COQ8A: variants seen among roughly 807,000 people sequenced by gnomAD.
COQ8A encodes the protein coenzyme Q8A.
COQ8A carries 51 observed loss-of-function variants against 65.0 expected under a neutral mutation model. That is an observed-to-expected ratio of 0.78 (90% CI 0.63 to 0.99). The LOEUF (loss-of-function observed/expected upper bound fraction) is 0.99. Among genes scored for constraint, COQ8A ranks in the 50% least tolerant of loss-of-function variants. The probability of loss-of-function intolerance (pLI) is 0.00; values close to 1 mark genes in which losing one functional copy is unlikely to be tolerated. For synonymous variants in COQ8A, 371 were observed against 353.2 expected, an observed-to-expected ratio of 1.05 and a Z score of -0.57; for missense variants, 940 against 875.0, an observed-to-expected ratio of 1.07 and a Z score of -0.94.
At chr1:226,986,056 T>C (rs887506156) in intron 14 of COQ8A, among the ~76,000 whole-genome samples, 21 of 152,262 alleles carry the variant, frequency 1.4e-4, no homozygotes, top group African/African-American at 5.1e-4. Flanking sequence ...CTAGTTCCCG[T>C]GGGCAGACAC....
chr1:226,962,492 G>A (rs1658308954), intron 2 of COQ8A, among the ~76,000 whole-genome samples: 1 of 152,220 alleles, frequency 6.6e-6, no homozygotes, highest in Non-Finnish European at 1.5e-5. Flanking sequence ...AGACAGGGTG[G>A]GGGGTGTTTG....
intron 1 of COQ8A, among the ~76,000 whole-genome samples, chr1:226,953,613 C>T (rs149542631): frequency 6.6e-6 from 1 of 152,310 alleles, no homozygotes; most frequent in Non-Finnish European, 1.5e-5. Context: ...TCTCACTCAG[C>T]AGGCCTGTGC....
At chr1:226,973,032 G>A (rs781002454) in intron 4 of COQ8A, among the ~76,000 whole-genome samples, 2 of 152,214 alleles carry the variant, frequency 1.3e-5, no homozygotes, top group Non-Finnish European at 2.9e-5. Flanking sequence ...CTTTGGCTGG[G>A]ACCTTCAGGA....
chr1:226,945,799 C>G (rs945436781), intron 1 of COQ8A, among the ~76,000 whole-genome samples: 1 of 152,196 alleles, frequency 6.6e-6, no homozygotes, highest in African/African-American at 2.4e-5. Context: ...ACGGGGGTGA[C>G]GCAGAGGAAG....
In COQ8A at chr1:226,949,230, A is replaced by C. The variant is rs1367758070; in HGVS notation, c.-10+8831A>C. ...AAAGGAGGCCGGGGGCCTGATTTCG[A>C]TGCCTGGGACTTCAGGCGCAGGAGT... On this transcript the variant is annotated intron_variant, in intron 1 of 14. Transcript: ENST00000366777. The surrounding 1 kb of genome is among the most constrained non-coding windows in gnomAD (Gnocchi z 4.0). Among the ~76,000 whole-genome samples, 1 of 152,022 alleles carries C rather than the reference A, an allele frequency of 6.6e-6. No homozygotes were observed. Among genetic ancestry groups the C allele is most frequent in the East Asian group, 1.9e-4 (1 of 5,162 alleles).
At position 226,986,766 on chromosome 1, in the gene COQ8A, G is replaced by A. The variant is rs372895507; in HGVS notation, c.*29G>A. 116 of 1,604,690 alleles carry A rather than the reference G, an allele frequency of 7.2e-5. No homozygotes were observed. In the Admixed American group the frequency reaches 7.6e-4, roughly 10 times the overall value. On this transcript the variant is annotated 3_prime_UTR_variant, in exon 15 of 15. Transcript: ENST00000366777. ...TGCGGGCCACGCCCAGGCCGGCTCCGCGGGAACTCTCTCCCTCAGACAGGC... is the reference window on the plus strand; with the variant it reads ...TGCGGGCCACGCCCAGGCCGGCTCCACGGGAACTCTCTCCCTCAGACAGGC...
At chr1:226,978,170 T>TCCTTGTAAACCCACC (rs1659378557) in intron 5 of COQ8A, among the ~76,000 whole-genome samples, 1 of 138,442 alleles carries the variant, frequency 7.2e-6, no homozygotes, top group East Asian at 2.3e-4. Flanking sequence ...CCCACGCACC[T>TCCTTGTAAACCCACC]TTTTACATCC....
At chr1:226,978,791 TCACCCGCACAGC>T (rs1659493390) in intron 5 of COQ8A, among the ~76,000 whole-genome samples, 1 of 86,578 alleles carries the variant, frequency 1.2e-5, no homozygotes, top group African/African-American at 3.9e-5. Flanking sequence ...CACCCACCTC[TCACCCGCACAGC>T]TCCTTACACA....
In COQ8A at chr1:226,986,606, GA is replaced by G. The variant is rs776108575; in HGVS notation, c.1816del (p.Thr606ProfsTer18). On this transcript the variant is annotated frameshift_variant, in exon 15 of 15. Coordinates refer to ENST00000366777, the MANE Select transcript of COQ8A (RefSeq NM_020247.5). LOFTEE classifies it high-confidence loss of function. ...LRHRLVPPPEETYSLHRKMGG... is the reference protein window; with the variant it reads ...LRHRLVPPPEXTYSLHRKMGG... ...GCACCGTCTCGTCCCCCCACCCGAG[GA>G]AACCTACTCCCTGCACAGGAAGATG... The G allele has an allele frequency of 2.9e-5, 46 of 1,613,752 alleles. No homozygotes were observed. Among genetic ancestry groups the G allele is most frequent in the Non-Finnish European group, 3.8e-5 (45 of 1,179,978 alleles).
At chr1:226,975,943 G>C (rs1480597875) in intron 4 of COQ8A, among the ~76,000 whole-genome samples, 1 of 152,198 alleles carries the variant, frequency 6.6e-6, no homozygotes, top group African/African-American at 2.4e-5. Flanking sequence ...CATAATCACT[G>C]TAGAGAATTT....
At chr1:226,984,260 G>T (rs1659930622) in intron 11 of COQ8A, 25 bp downstream of exon 11, 1 of 1,612,408 alleles carries the variant, frequency 6.2e-7, no homozygotes, top group African/African-American at 1.3e-5. Flanking sequence ...GCAGACAGGT[G>T]GGGCCAGGGT....
intron 5 of COQ8A, among the ~76,000 whole-genome samples, chr1:226,978,852 C>T (rs1002966711): frequency 1.6e-5 from 2 of 125,626 alleles, no homozygotes; most frequent in African/African-American, 5.3e-5. Context: ...CCACCTCATA[C>T]CTGCACACCA....
rs139900636 is a variant in COQ8A, at chr1:226,984,227, C to T, written c.1390C>T (p.Arg464Trp). The T allele has an allele frequency of 9.9e-6, 16 of 1,613,496 alleles. No individual in the cohort carries two copies. Among genetic ancestry groups the T allele is most frequent in the East Asian group, 4.5e-5 (2 of 44,892 alleles). Residue 464 changes from arginine to tryptophan, a missense_variant, in exon 11 of 15, where the codon CGG (arginine) becomes TGG (tryptophan). Physicochemically the swap from Arg to Trp is moderately radical, Grantham distance 101 (BLOSUM62 -3). Transcript: ENST00000366777. ...GGCCGAAGGGCTCAGCCAGGAGATT[C>T]GGAACGAGGTTTGTCTGTGCCAGCA... is the stretch of plus-strand genomic sequence containing the variant. ...DQAEGLSQEI[R>W]NEICYNILVL...
chr1:226,983,544 C>T lies in COQ8A; in HGVS notation c.1081-8C>T. 1 of 1,613,586 alleles carries T rather than the reference C, an allele frequency of 6.2e-7. No homozygotes were observed. The highest frequency in any genetic ancestry group is 1.6e-4 in the Middle Eastern group (1 of 6,062). On this transcript the variant is annotated splice_region_variant and splice_polypyrimidine_tract_variant and intron_variant, in intron 8 of 14. Transcript: ENST00000366777. Reference sequence around the variant, plus strand: ...GCTAACTCCCCTGCCTCACCCATACCCCCACAGTACCCTGGCGTGGCCCAG... The same window carrying T: ...GCTAACTCCCCTGCCTCACCCATACTCCCACAGTACCCTGGCGTGGCCCAG...
intron 1 of COQ8A, among the ~76,000 whole-genome samples, chr1:226,960,174 G>A (rs1401119898): frequency 6.7e-6 from 1 of 148,710 alleles, no homozygotes; most frequent in East Asian, 2.0e-4. Context: ...TGGTGGTGGT[G>A]GTGGTGATGG....
intron 10 of COQ8A, 113 bp downstream of exon 10, chr1:226,983,967 A>G: frequency 2.0e-6 from 3 of 1,485,134 alleles, no homozygotes; most frequent in Non-Finnish European, 2.7e-6. Flanking sequence ...CTGGGGTTGC[A>G]GCCTGGGCCG....
rs1291245003 is a variant in COQ8A, at chr1:226,965,273, G to A, written c.451G>A (p.Asp151Asn). 6 of 1,614,032 alleles carry A rather than the reference G, an allele frequency of 3.7e-6. No homozygotes were observed. The highest frequency in any genetic ancestry group is 5.1e-6 in the Non-Finnish European group (6 of 1,180,040). ...CGGGAGGCTCTTTGCAAACCCCAGAGACTCATTCTCTGCCATGGGCTTTCA... is the reference window on the plus strand; with the variant it reads ...CGGGAGGCTCTTTGCAAACCCCAGAAACTCATTCTCTGCCATGGGCTTTCA... ...ANGRLFANPRDSFSAMGFQRR... is the reference protein window; with the variant it reads ...ANGRLFANPRNSFSAMGFQRR... Residue 151 changes from aspartate to asparagine, a missense_variant, in exon 3 of 15, where the codon GAC (aspartate) becomes AAC (asparagine). By Grantham distance (23) the Asp-to-Asn change is conservative. Coordinates refer to ENST00000366777, the MANE Select transcript of COQ8A (RefSeq NM_020247.5).
chr1:226,955,997 C>T (rs1657715402), intron 1 of COQ8A, among the ~76,000 whole-genome samples: 1 of 132,048 alleles, frequency 7.6e-6, no homozygotes, highest in African/African-American at 3.1e-5. Flanking sequence ...CTCCCTGGTT[C>T]ACACTCTCCC....
At chr1:226,984,026 G>A in intron 10 of COQ8A, 68 bp from the exon 11 acceptor site, 1 of 1,537,660 alleles carries the variant, frequency 6.5e-7, no homozygotes, top group South Asian at 1.1e-5. Context: ...CTGGTTGGGG[G>A]GTGTGTGTGG....
Sources: gnomAD v4.1 joint callset for allele counts (sites outside exome capture counted in the v4.1 genomes callset) on GRCh38, gnomAD v4.1.1 for gene constraint, Gnocchi (gnomAD v3.1) non-coding constraint, MANE v1.5 for transcripts, NCBI Gene and HGNC (gene_info 2026-07-23, HGNC 2026-07-21) for gene names.